Variants in NHEJ1 observed in about 807,000 individuals in gnomAD.
NHEJ1 encodes non-homologous end-joining factor 1.
A neutral mutation model predicts 39.4 loss-of-function variants in NHEJ1; 22 were observed. The ratio of observed to expected loss-of-function variants is 0.56; its 90% CI spans 0.40 to 0.80. The LOEUF (loss-of-function observed/expected upper bound fraction) is 0.80, where lower values mean the gene tolerates loss of function less well. Among genes scored for constraint, NHEJ1 ranks in the 30% least tolerant of loss-of-function variants. The pLI is 0.00. For missense variants in NHEJ1, 329 were observed against 357.1 expected (o/e 0.92, Z 0.63); for synonymous variants, 154 against 135.6 (o/e 1.14, Z -0.94).
intron 3 of NHEJ1, among the ~76,000 whole-genome samples, chr2:219,151,940 C>G (rs1038333673): frequency 1.3e-5 from 2 of 152,102 alleles, no homozygotes; most frequent in Non-Finnish European, 2.9e-5. Context: ...TGCACTCCAG[C>G]CTGGGTGACA....
intron 5 of NHEJ1, among the ~76,000 whole-genome samples, chr2:219,097,266 T>C (rs1347996321): frequency 6.6e-6 from 1 of 152,192 alleles, no homozygotes; most frequent in Non-Finnish European, 1.5e-5. Context: ...AAGGGACATC[T>C]GTATAGGAGA....
chr2:219,156,930 C>T (rs1273720497), intron 3 of NHEJ1, among the ~76,000 whole-genome samples: 1 of 152,090 alleles, frequency 6.6e-6, no homozygotes, highest in Non-Finnish European at 1.5e-5. Context: ...TCCCTCATTT[C>T]TCATGCCTTC....
At chr2:219,112,341 T>A (rs936129858) in intron 5 of NHEJ1, among the ~76,000 whole-genome samples, 41 of 152,202 alleles carry the variant, frequency 2.7e-4, no homozygotes, top group Admixed American at 4.6e-4. Context: ...AAAATAGGGA[T>A]AATAATACAA....
intron 3 of NHEJ1, among the ~76,000 whole-genome samples, chr2:219,151,493 TAAAG>T (rs1287462313): frequency 2.0e-5 from 3 of 152,276 alleles, no homozygotes; most frequent in East Asian, 1.9e-4. Context: ...CTATTTGGTT[TAAAG>T]AAAGTTTTTT....
intron 5 of NHEJ1, among the ~76,000 whole-genome samples, chr2:219,079,469 G>T (rs552893022): frequency 3.5e-4 from 53 of 152,336 alleles, no homozygotes; most frequent in Non-Finnish European, 6.0e-4. Context: ...AGCAGGTGCT[G>T]AACCAGTCAG....
chr2:219,121,535 A>T (rs1949471438), intron 5 of NHEJ1, among the ~76,000 whole-genome samples: 1 of 152,086 alleles, frequency 6.6e-6, no homozygotes, highest in Non-Finnish European at 1.5e-5. Flanking sequence ...CATCTTTCAC[A>T]CGTGACATCA....
intron 5 of NHEJ1, among the ~76,000 whole-genome samples, chr2:219,110,377 C>A (rs1360938542): frequency 1.3e-5 from 2 of 151,842 alleles, no homozygotes; most frequent in Non-Finnish European, 2.9e-5. Context: ...TATAAATTAG[C>A]CAGGTGTGGT....
At chr2:219,090,777 A>G (rs920648512) in intron 5 of NHEJ1, among the ~76,000 whole-genome samples, 1 of 152,104 alleles carries the variant, frequency 6.6e-6, no homozygotes, top group Non-Finnish European at 1.5e-5. Context: ...AGGCATAAAG[A>G]CTTTCTCCTC....
intron 3 of NHEJ1, among the ~76,000 whole-genome samples, chr2:219,153,706 G>GC (rs1949821708): frequency 7.7e-5 from 4 of 52,176 alleles, no homozygotes; most frequent in Admixed American, 4.1e-4. Context: ...GGGGGGGGTG[G>GC]AGAGAGAGAG....
intron 5 of NHEJ1, among the ~76,000 whole-genome samples, chr2:219,138,081 T>TA (rs532917267): frequency 4.6e-5 from 7 of 151,948 alleles, no homozygotes; most frequent in Non-Finnish European, 7.4e-5. Context: ...ACATGGACAC[T>TA]AAAAAAAAAC....
chr2:219,112,792 G>A (rs1417783916), intron 5 of NHEJ1, among the ~76,000 whole-genome samples: 8 of 152,040 alleles, frequency 5.3e-5, no homozygotes, highest in South Asian at 2.1e-4. Context: ...CCTCTTTTAC[G>A]CCCTCCTTTA....
chr2:219,144,265 T>G (rs907298760), intron 5 of NHEJ1, among the ~76,000 whole-genome samples: 2 of 152,104 alleles, frequency 1.3e-5, no homozygotes, highest in African/African-American at 4.8e-5. Context: ...TAATCCAAAC[T>G]TATTGAAGAC....
In NHEJ1 at chr2:219,071,988, T is replaced by C. The variant is rs1451066621; in HGVS notation, c.*4393A>G. 1.3e-5 allele frequency among the ~76,000 whole-genome samples: 2 copies of C among 152,138 alleles called. No individual in the cohort carries two copies. On this transcript the variant is annotated 3_prime_UTR_variant, in exon 8 of 8. Transcript: ENST00000356853. Reference sequence around the variant, plus strand: ...GGATAGAGAACTGAGAGCCCAGAGCTGAGAGGATACATAAAAGGCCACCAC... The same window carrying C: ...GGATAGAGAACTGAGAGCCCAGAGCCGAGAGGATACATAAAAGGCCACCAC...
intron 5 of NHEJ1, among the ~76,000 whole-genome samples, chr2:219,143,806 T>C (rs1949711626): frequency 6.6e-6 from 1 of 152,278 alleles, no homozygotes; most frequent in African/African-American, 2.4e-5. Context: ...AACCCCATAG[T>C]ATGAAAACGA....
At chr2:219,090,410 G>A (rs1220238618) in intron 5 of NHEJ1, among the ~76,000 whole-genome samples, 3 of 152,182 alleles carry the variant, frequency 2.0e-5, no homozygotes, top group Non-Finnish European at 2.9e-5. Context: ...TCCCTATAGT[G>A]CCTGGCACAT....
intron 5 of NHEJ1, among the ~76,000 whole-genome samples, chr2:219,109,567 C>T (rs1949344426): frequency 6.6e-6 from 1 of 152,188 alleles, no homozygotes; most frequent in Non-Finnish European, 1.5e-5. Flanking sequence ...GCACTTGCTG[C>T]ATCAAGGGCT....
At position 219,074,293 on chromosome 2, in the gene NHEJ1, C is replaced by T. The variant is rs1332846527; in HGVS notation, c.*2088G>A. Among the ~76,000 whole-genome samples the T allele has an allele frequency of 1.3e-5, 2 of 152,118 alleles. No homozygotes were observed. Among genetic ancestry groups the T allele is most frequent in the African/African-American group, 2.4e-5 (1 of 41,404 alleles). The stretch of plus-strand genomic sequence containing the variant: ...TGAGGGATTCACAGGCCTCTGGCCC[C>T]GCTGTGATGAAAAATGTCTTGAGTC... On this transcript the variant is annotated 3_prime_UTR_variant, in exon 8 of 8. Coordinates refer to ENST00000356853, the MANE Select transcript of NHEJ1 (RefSeq NM_024782.3).
At chr2:219,131,079 G>A (rs189150639) in intron 5 of NHEJ1, among the ~76,000 whole-genome samples, 2 of 152,212 alleles carry the variant, frequency 1.3e-5, no homozygotes, top group Admixed American at 6.5e-5. Flanking sequence ...GCAACAGAGC[G>A]AGACTCTGTC....
At chr2:219,135,921 T>G (rs1428938497) in intron 5 of NHEJ1, among the ~76,000 whole-genome samples, 1 of 152,190 alleles carries the variant, frequency 6.6e-6, no homozygotes, top group Non-Finnish European at 1.5e-5. Context: ...GTTGGTAACT[T>G]CCTTTGAGTA....
Sources: allele counts gnomAD v4.1 joint callset (sites outside exome capture counted in the v4.1 genomes callset), GRCh38; gene constraint gnomAD v4.1.1; transcripts MANE v1.5; gene names NCBI Gene and HGNC (gene_info 2026-07-23, HGNC 2026-07-21).